The following ANO1 variants were observed in gnomAD, a reference collection of about 807,000 sequenced individuals.
The protein encoded by ANO1 is anoctamin-1.
A neutral mutation model predicts 124.0 loss-of-function variants in ANO1; 59 were observed. The observed-to-expected ratio is 0.48, with a 90% CI of 0.39 to 0.59. ANO1 has a LOEUF of 0.59. Ranked by LOEUF, ANO1 falls within the 20% of genes least tolerant of loss-of-function variation. ANO1 has a pLI of 0.00. For missense variants in ANO1, 1,059 were observed against 1,328.0 expected (o/e 0.80, Z 3.15); for synonymous variants, 529 against 532.0 (o/e 0.99, Z 0.08).
At chr11:70,167,177 T>G in intron 20 of ANO1, 65 bp from the exon 21 acceptor site, 2 of 1,578,278 alleles carry the variant, frequency 1.3e-6, no homozygotes, top group Non-Finnish European at 1.7e-6. Flanking sequence ...TCACTAGAGG[T>G]GCCAGACCCA....
chr11:70,149,970 C>A, intron 12 of ANO1, 178 bp downstream of exon 12: 1 of 709,912 alleles, frequency 1.4e-6, no homozygotes, highest in South Asian at 1.5e-5. Flanking sequence ...CCCTGGCGTT[C>A]CGAACACCCT....
At chr11:69,966,945 C>T in the ANO1 span, among the ~76,000 whole-genome samples, 1 of 152,150 alleles carries the variant, frequency 6.6e-6, no homozygotes, top group Non-Finnish European at 1.5e-5. Context: ...TGCTCAGCCT[C>T]AGTACTGGTG....
intron 1 of ANO1, among the ~76,000 whole-genome samples, chr11:70,008,070 T>A (rs1555000386): frequency 6.6e-6 from 1 of 152,086 alleles, no homozygotes; most frequent in African/African-American, 2.4e-5. Flanking sequence ...TAGAGAAATG[T>A]CTATTAATTC....
At position 70,163,330 on chromosome 11, in the gene ANO1, G is replaced by T; in HGVS notation, c.1940G>T (p.Arg647Leu). The T allele has an allele frequency of 6.2e-7, 1 of 1,613,986 alleles. No individual in the cohort carries two copies. The highest frequency in any genetic ancestry group is 8.5e-7 in the Non-Finnish European group (1 of 1,179,894). Residue 647 changes from arginine (R) to leucine (L), a missense_variant, in exon 19 of 26, where the codon CGA (arginine) becomes CTA (leucine). Arg to Leu is a moderately radical substitution (Grantham distance 102). This residue lies in a region of ANO1 where 809 missense variants were observed against 1,094.9 expected (regional missense o/e 0.74). Transcript: ENST00000355303. ...GDYVYIFRSF[R>L]MEECAPGGCL... The stretch of plus-strand genomic sequence containing the variant: ...TACGTGTACATTTTCCGTTCCTTCC[G>T]AATGGAAGAGGTAACCGAAATTTTA...
intron 1 of ANO1, among the ~76,000 whole-genome samples, chr11:70,068,977 A>G (rs1555008970): frequency 6.6e-6 from 1 of 152,242 alleles, no homozygotes; most frequent in Non-Finnish European, 1.5e-5. Flanking sequence ...AGGCCCATGT[A>G]TTTTCTTAGG....
intron 12 of ANO1, among the ~76,000 whole-genome samples, chr11:70,152,028 C>T (rs994340970): frequency 1.5e-4 from 23 of 152,164 alleles, no homozygotes; most frequent in Admixed American, 1.0e-3. Flanking sequence ...TTACCTTCAT[C>T]CTAATTCTTA....
At chr11:69,985,115 G>A (rs1856011176), upstream of ANO1, among the ~76,000 whole-genome samples, 1 of 152,184 alleles carries the variant, frequency 6.6e-6, no homozygotes, top group Non-Finnish European at 1.5e-5. Flanking sequence ...GGGCAATCCC[G>A]GCTTCCTGCC....
chr11:70,025,325 G>A (rs573019802), intron 1 of ANO1, among the ~76,000 whole-genome samples: 26 of 152,348 alleles, frequency 1.7e-4, no homozygotes, highest in African/African-American at 6.0e-4. Context: ...AGGAAGAACT[G>A]GTGTCTGCTG....
intron 1 of ANO1, among the ~76,000 whole-genome samples, chr11:70,035,539 C>A (rs200433280): frequency 8.0e-6 from 1 of 124,226 alleles, no homozygotes; most frequent in African/African-American, 3.2e-5. Flanking sequence ...TATATATATA[C>A]TTTAAGTTCT....
chr11:69,994,077 G>T (rs1234106632), intron 1 of ANO1, among the ~76,000 whole-genome samples: 1 of 139,386 alleles, frequency 7.2e-6, no homozygotes, highest in Non-Finnish European at 1.6e-5. Flanking sequence ...TTGCCAATTT[G>T]ATTTTACACC....
chr11:70,050,424 G>A (rs920924493), intron 1 of ANO1, among the ~76,000 whole-genome samples: 10 of 152,076 alleles, frequency 6.6e-5, no homozygotes, highest in South Asian at 4.2e-4. Context: ...CTTCTCACCC[G>A]GAGCCCCCTT....
chr11:69,970,426 A>G, the ANO1 span, among the ~76,000 whole-genome samples: 1 of 152,172 alleles, frequency 6.6e-6, no homozygotes, highest in Non-Finnish European at 1.5e-5. Context: ...AGCCCCATCG[A>G]TCAGTCCTCC....
At chr11:70,055,032 A>T (rs1332309978) in intron 1 of ANO1, among the ~76,000 whole-genome samples, 3 of 152,222 alleles carry the variant, frequency 2.0e-5, no homozygotes, top group Admixed American at 2.0e-4. Flanking sequence ...TTAGAAGAGT[A>T]TCACTTAATT....
At chr11:70,098,094 C>G (rs1337690372) in intron 2 of ANO1, among the ~76,000 whole-genome samples, 2 of 152,192 alleles carry the variant, frequency 1.3e-5, no homozygotes, top group Non-Finnish European at 2.9e-5. Context: ...TGTCTGCCCC[C>G]GAGTCCGACG....
At position 70,093,424 on chromosome 11, in the gene ANO1, T is replaced by G. The variant is rs955848905; in HGVS notation, c.441+5340T>G. Reference sequence around the variant, plus strand: ...TATGGCCAACATGTTTTCTTGCAACTAAGACCCATTAGCCTTTTTGAAGTC... The same window carrying G: ...TATGGCCAACATGTTTTCTTGCAACGAAGACCCATTAGCCTTTTTGAAGTC... On this transcript the variant is annotated intron_variant, in intron 2 of 25. Transcript: ENST00000355303. Among the ~76,000 whole-genome samples, 7 of 152,190 alleles carry G rather than the reference T, an allele frequency of 4.6e-5. No individual in the cohort carries two copies. In the South Asian group the frequency reaches 1.5e-3, roughly 32 times the overall value.
chr11:70,061,260 G>A (rs1555007701), intron 1 of ANO1, among the ~76,000 whole-genome samples: 1 of 152,002 alleles, frequency 6.6e-6, no homozygotes, highest in African/African-American at 2.4e-5. Context: ...TGGTAAGAGG[G>A]GCTGCAAAGA....
At chr11:70,014,519 G>A (rs966662683) in intron 1 of ANO1, among the ~76,000 whole-genome samples, 2 of 152,098 alleles carry the variant, frequency 1.3e-5, no homozygotes, top group Non-Finnish European at 2.9e-5. Context: ...CTTGCACTTG[G>A]GAGTCCACCA....
At chr11:69,999,649 G>A (rs4980716) in intron 1 of ANO1, among the ~76,000 whole-genome samples, 75,657 of 151,822 alleles carry the variant, frequency 0.5, 19,933 homozygotes, top group East Asian at 0.89. Context: ...AGGGGAAAAG[G>A]GCCATGTCTC....
At chr11:70,162,055 G>A (rs1240336899) in intron 18 of ANO1, among the ~76,000 whole-genome samples, 1 of 150,432 alleles carries the variant, frequency 6.6e-6, no homozygotes, top group Non-Finnish European at 1.5e-5. Context: ...GAGGACCGGG[G>A]AGTGAGGACC....
Sources: gnomAD v4.1 joint callset for allele counts (sites outside exome capture counted in the v4.1 genomes callset) on GRCh38, gnomAD v4.1.1 for gene constraint, gnomAD v4.1.1 regional missense constraint, MANE v1.5 for transcripts, NCBI Gene and HGNC (gene_info 2026-07-23, HGNC 2026-07-21) for gene names.